Variants in SHANK2 observed in about 807,000 individuals in gnomAD.
The protein encoded by SHANK2 is SH3 and multiple ankyrin repeat domains 2, also known as SH3 and multiple ankyrin repeat domains protein 2.
SHANK2 carries 43 observed loss-of-function variants against 133.7 expected under a neutral mutation model. The observed-to-expected ratio is 0.32, with a 90% CI of 0.25 to 0.41. The LOEUF is 0.41. Among genes scored for constraint, SHANK2 ranks in the 10% least tolerant of loss-of-function variants. The pLI is 1.00. For synonymous variants in SHANK2, 1,017 were observed against 952.8 expected (o/e 1.07, Z -1.24); for missense variants, 1,994 against 2,235.8 (o/e 0.89, Z 2.18).
intron 11 of SHANK2, among the ~76,000 whole-genome samples, chr11:70,893,465 A>T (rs1341610132): frequency 6.6e-6 from 1 of 152,236 alleles, no homozygotes; most frequent in Non-Finnish European, 1.5e-5. Flanking sequence ...TTCACAACAG[A>T]TTCACTGTGC....
chr11:70,679,198 C>G (rs1944972870), intron 15 of SHANK2, among the ~76,000 whole-genome samples: 1 of 152,258 alleles, frequency 6.6e-6, no homozygotes, highest in Non-Finnish European at 1.5e-5. Context: ...CCCTCATTCT[C>G]TCTCTCACAC....
At chr11:71,059,716 G>A (rs1026859923) in intron 9 of SHANK2, among the ~76,000 whole-genome samples, 6 of 152,320 alleles carry the variant, frequency 3.9e-5, no homozygotes, top group African/African-American at 1.4e-4. Flanking sequence ...CTAAGAGTGT[G>A]GGCTGCGCTC....
intron 3 of SHANK2, among the ~76,000 whole-genome samples, chr11:71,132,193 G>A (rs1219204920): frequency 2.0e-5 from 3 of 152,196 alleles, no homozygotes; most frequent in Admixed American, 2.0e-4. Flanking sequence ...GGAGGCTGGC[G>A]GGGAGGCAGA....
At chr11:70,583,728 C>G (rs561677982) in intron 17 of SHANK2, among the ~76,000 whole-genome samples, 27 of 152,306 alleles carry the variant, frequency 1.8e-4, no homozygotes, top group African/African-American at 6.5e-4. Flanking sequence ...AATGAACCAT[C>G]GAGGCTGTGT....
At chr11:70,660,747 T>C (rs1259407377) in intron 16 of SHANK2, among the ~76,000 whole-genome samples, 1 of 152,170 alleles carries the variant, frequency 6.6e-6, no homozygotes, top group African/African-American at 2.4e-5. Context: ...GCATCTGCTC[T>C]TTCTCTCTCT....
chr11:70,696,467 G>A (rs1945394607), intron 15 of SHANK2, among the ~76,000 whole-genome samples: 1 of 152,064 alleles, frequency 6.6e-6, no homozygotes, highest in Non-Finnish European at 1.5e-5. Context: ...ACCTGCCCAG[G>A]GTCCACTTCT....
In SHANK2 at chr11:71,065,435, G is replaced by C. The variant is rs1277796752; in HGVS notation, c.1030-8877C>G. On this transcript the variant is annotated intron_variant, in intron 9 of 25. Coordinates refer to ENST00000601538, the MANE Select transcript of SHANK2 (RefSeq NM_012309.5). ...GGGGTGTGCAGAACTCTTCCAGGGA[G>C]ATGAGCAGTGAGTGGGGAAGTTGGG... 1.1e-4 allele frequency among the ~76,000 whole-genome samples: 15 copies of C among 131,596 alleles called. No individual in the cohort carries two copies. The East Asian group carries it at 3.5e-3, about 30-fold the overall frequency. 86.3% of individuals were successfully genotyped at this position (131,596 alleles called of 152,430 possible). A position where few individuals can be genotyped will look rare whatever the true frequency, so the allele number is the denominator to read the frequency against.
At chr11:70,503,144 C>T (rs554780161) in intron 17 of SHANK2, among the ~76,000 whole-genome samples, 103 of 152,306 alleles carry the variant, frequency 6.8e-4, no homozygotes, top group African/African-American at 2.5e-3. Flanking sequence ...AACTGTGGCT[C>T]AGGAGGTTGG....
intron 3 of SHANK2, among the ~76,000 whole-genome samples, chr11:71,136,326 A>G (rs1480316500): frequency 6.6e-6 from 1 of 152,194 alleles, no homozygotes. Flanking sequence ...AAAGGAGAGC[A>G]TGTCTTTTGC....
At chr11:70,930,904 C>T (rs1555082400) in intron 10 of SHANK2, among the ~76,000 whole-genome samples, 1 of 151,422 alleles carries the variant, frequency 6.6e-6, no homozygotes, top group South Asian at 2.1e-4. Flanking sequence ...TAGGCTCATG[C>T]AATCCTCCTG....
chr11:70,908,728 T>C lies in SHANK2; in HGVS notation c.1108-12161A>G, dbSNP rs115210693. Reference sequence around the variant, plus strand: ...AAGGTGACTGTAATTACAAGGGAAATGCTGAACCAGGGGTTGGCGGTGGGG... The same window carrying C: ...AAGGTGACTGTAATTACAAGGGAAACGCTGAACCAGGGGTTGGCGGTGGGG... On this transcript the variant is annotated intron_variant, in intron 10 of 25. Transcript: ENST00000601538. 3.8e-3 allele frequency among the ~76,000 whole-genome samples: 574 copies of C among 152,284 alleles called. 3 individuals carry two copies. The highest frequency in any genetic ancestry group is 0.013 in the African/African-American group (534 of 41,572).
At chr11:70,846,694 C>A (rs1448560144) in intron 11 of SHANK2, among the ~76,000 whole-genome samples, 2 of 152,230 alleles carry the variant, frequency 1.3e-5, no homozygotes, top group Non-Finnish European at 2.9e-5. Flanking sequence ...GCGTCATCAT[C>A]CCCATGACAC....
At chr11:70,579,269 G>A (rs2060154610) in intron 17 of SHANK2, among the ~76,000 whole-genome samples, 1 of 152,162 alleles carries the variant, frequency 6.6e-6, no homozygotes. Context: ...TGAGCTCACT[G>A]GGCTACCTTA....
At chr11:70,488,656 C>T (rs1591492342) in intron 24 of SHANK2, among the ~76,000 whole-genome samples, 2 of 152,234 alleles carry the variant, frequency 1.3e-5, no homozygotes, top group African/African-American at 4.8e-5. Context: ...CCTCAGTGAG[C>T]CCCTTCTGGG....
At chr11:70,707,588 T>C (rs1555025242) in intron 14 of SHANK2, among the ~76,000 whole-genome samples, 2 of 152,030 alleles carry the variant, frequency 1.3e-5, no homozygotes, top group Non-Finnish European at 2.9e-5. Flanking sequence ...TCTCGCTAGC[T>C]ACACAACCCC....
intron 3 of SHANK2, among the ~76,000 whole-genome samples, chr11:71,145,834 C>T (rs1952632919): frequency 6.6e-6 from 1 of 152,128 alleles, no homozygotes. Context: ...ATGCAGAGCA[C>T]TGGGCTTACC....
intron 17 of SHANK2, among the ~76,000 whole-genome samples, chr11:70,649,505 C>T (rs2061314483): frequency 6.6e-6 from 1 of 152,184 alleles, no homozygotes; most frequent in Admixed American, 6.5e-5. Flanking sequence ...TAGCACAGGG[C>T]CTTCCTCCAG....
At chr11:70,624,884 C>T (rs11236937) in intron 17 of SHANK2, among the ~76,000 whole-genome samples, 10,748 of 152,224 alleles carry the variant, frequency 0.071, 473 homozygotes, top group South Asian at 0.082. Context: ...CTATCGGCTC[C>T]CTCACCTGGT....
intron 21 of SHANK2, among the ~76,000 whole-genome samples, chr11:70,497,462 T>C (rs554692327): frequency 8.5e-5 from 13 of 152,336 alleles, no homozygotes; most frequent in Admixed American, 2.0e-4. Context: ...GATTTGAAAC[T>C]GTCAAATCCC....
Sources: allele counts gnomAD v4.1 joint callset (sites outside exome capture counted in the v4.1 genomes callset), GRCh38; gene constraint gnomAD v4.1.1; transcripts MANE v1.5; gene names NCBI Gene and HGNC (gene_info 2026-07-23, HGNC 2026-07-21).